The following ABCA13 variants were observed in gnomAD, a reference collection of about 807,000 sequenced individuals.
ABCA13 encodes the protein ATP binding cassette subfamily A member 13.
ABCA13 carries 476 observed loss-of-function variants against 478.7 expected under a neutral mutation model. The observed-to-expected ratio is 0.99, with a 90% CI of 0.92 to 1.07. The LOEUF is 1.07. ABCA13 is among the 50% of genes least tolerant of loss of function. ABCA13 has a pLI of 0.00. For synonymous variants in ABCA13, 2,252 were observed against 2,158.9 expected (o/e 1.04, Z -1.20); for missense variants, 6,060 against 5,910.6 (o/e 1.03, Z -0.83).
intron 52 of ABCA13, among the ~76,000 whole-genome samples, chr7:48,517,455 TCTC>T (rs1358791416): frequency 1.3e-5 from 2 of 152,150 alleles, no homozygotes. Context: ...AGGAAGAACT[TCTC>T]CTTGTGAGGT....
chr7:48,422,066 A>C (rs1820828752), intron 41 of ABCA13, among the ~76,000 whole-genome samples: 2 of 65,908 alleles, frequency 3.0e-5, no homozygotes, highest in Admixed American at 1.8e-4. Flanking sequence ...AAAAAAAAAA[A>C]AAAAAAAAAA....
intron 40 of ABCA13, among the ~76,000 whole-genome samples, chr7:48,411,194 C>T (rs1023786853): frequency 8.6e-6 from 1 of 115,900 alleles, no homozygotes; most frequent in Non-Finnish European, 1.8e-5. Context: ...TCTTTCTTTC[C>T]TTTTCTTTTC....
chr7:48,316,060 A>G (rs1255672166), intron 26 of ABCA13, among the ~76,000 whole-genome samples: 1 of 152,220 alleles, frequency 6.6e-6, no homozygotes, highest in South Asian at 2.1e-4. Context: ...TTAAAACCTT[A>G]TAAGATTTAG....
intron 15 of ABCA13, among the ~76,000 whole-genome samples, chr7:48,257,127 A>G (rs1030957829): frequency 4.6e-5 from 7 of 151,974 alleles, no homozygotes; most frequent in Admixed American, 3.3e-4. Context: ...GTTGGTTTGT[A>G]CATTGATTTT....
chr7:48,274,214 G>C lies in ABCA13; in HGVS notation c.4548G>C (p.Gln1516His). ...NLTTDFDFAS[Q>H]SNWRYFTELI... is the part of the protein sequence containing the mutation. The stretch of plus-strand genomic sequence containing the variant: ...CAACAGACTTTGATTTTGCATCTCA[G>C]TCCAATTGGAGATATTTTACTGAAT... The change falls in exon 17 of 62, where the codon CAG becomes CAC. Residue 1516 changes from glutamine (Q) to histidine (H), a missense_variant. Physicochemically the swap from Gln to His is conservative, Grantham distance 24. Coordinates refer to ENST00000435803, the MANE Select transcript of ABCA13 (RefSeq NM_152701.5). 1 of 1,612,914 alleles carries C rather than the reference G, an allele frequency of 6.2e-7. No individual in the cohort carries two copies. Among genetic ancestry groups the C allele is most frequent in the Non-Finnish European group, 8.5e-7 (1 of 1,179,362 alleles).
chr7:48,260,535 TG>T (rs1268273786), intron 15 of ABCA13, among the ~76,000 whole-genome samples: 1 of 152,058 alleles, frequency 6.6e-6, no homozygotes, highest in Non-Finnish European at 1.5e-5. Flanking sequence ...CTTAATTTTG[TG>T]GGGAATCAGG....
Position 48,512,853 on chromosome 7 carries a change from T to G in ABCA13, c.13640+1654T>G, listed in dbSNP as rs139058956. 1.1e-3 allele frequency among the ~76,000 whole-genome samples: 173 copies of G among 152,308 alleles called. 1 individual carries two copies. The highest frequency in any genetic ancestry group is 4.0e-3 in the African/African-American group (168 of 41,580). On this transcript the variant is annotated intron_variant, in intron 51 of 61. Transcript: ENST00000435803. The stretch of plus-strand genomic sequence containing the variant: ...GGCAATAGGGGTTACACGCTTCTGG[T>G]TAAGAACTCTTAGGTTGCAGAGACT...
chr7:48,581,042 T>G (rs1788656595), intron 56 of ABCA13, among the ~76,000 whole-genome samples: 2 of 152,194 alleles, frequency 1.3e-5, no homozygotes, highest in African/African-American at 2.4e-5. Context: ...CAGCTCAGGA[T>G]GTTGTACCGT....
chr7:48,351,762 C>T (rs1809036899), intron 30 of ABCA13, among the ~76,000 whole-genome samples: 1 of 152,120 alleles, frequency 6.6e-6, no homozygotes, highest in South Asian at 2.1e-4. Context: ...TTTATGCATA[C>T]AATTCAAAGA....
At chr7:48,575,811 CAACTCT>C in intron 55 of ABCA13, among the ~76,000 whole-genome samples, 1 of 152,192 alleles carries the variant, frequency 6.6e-6, no homozygotes, top group South Asian at 2.1e-4. Flanking sequence ...TAAAAATTAT[CAACTCT>C]TCTTAGATCC....
chr7:48,227,720 T>C (rs1788440900), intron 6 of ABCA13, among the ~76,000 whole-genome samples: 1 of 152,256 alleles, frequency 6.6e-6, no homozygotes, highest in South Asian at 2.1e-4. Context: ...TTTTAATGGC[T>C]GCAGCATATA....
chr7:48,227,451 A>T (rs1277100435), intron 6 of ABCA13, 26 bp downstream of exon 6: 7 of 1,610,106 alleles, frequency 4.3e-6, no homozygotes, highest in Non-Finnish European at 5.9e-6. Flanking sequence ...AAACATAACT[A>T]AGTATCAATA....
Position 48,224,867 on chromosome 7 carries a change from C to G in ABCA13, c.469-2395C>G, listed in dbSNP as rs140377560. 5.3e-5 allele frequency among the ~76,000 whole-genome samples: 8 copies of G among 152,110 alleles called. No individual in the cohort carries two copies. In the East Asian group the frequency reaches 1.5e-3, roughly 29 times the overall value. On this transcript the variant is annotated intron_variant, in intron 5 of 61. Transcript: ENST00000435803. ...TTAATCGCTGCAGCATTCTTTCCAC[C>G]TCCTCAGCTCCTTCTTCCTGGGACC...
intron 29 of ABCA13, among the ~76,000 whole-genome samples, chr7:48,349,668 GC>G (rs1382613475): frequency 6.6e-6 from 1 of 152,208 alleles, no homozygotes; most frequent in Non-Finnish European, 1.5e-5. Flanking sequence ...GAGGAGGGAA[GC>G]AAGCATGAGA....
Position 48,511,119 on chromosome 7 carries a change from C to G in ABCA13, c.13560C>G (p.Ala4520=), listed in dbSNP as rs749623721. 13 of 1,613,398 alleles carry G rather than the reference C, an allele frequency of 8.1e-6. No individual in the cohort carries two copies. In the Admixed American group the frequency reaches 2.2e-4, roughly 27 times the overall value. The change falls in exon 51 of 62, where the codon GCC becomes GCG. Residue 4520 remains alanine, a synonymous_variant. Coordinates refer to ENST00000435803, the MANE Select transcript of ABCA13 (RefSeq NM_152701.5). ...TGGTTTCCGTCTGCCTGTGTGTTGC[C>G]GTTATTGTCGCCTTCCAGTTAACAG... is the stretch of plus-strand genomic sequence containing the variant. ...FYLVSVCLCV[A]VIVAFQLTAF...
rs150327210 is a variant in ABCA13, at chr7:48,321,831, G to A, written c.9999+4535G>A. Among the ~76,000 whole-genome samples the A allele has an allele frequency of 2.5e-3, 376 of 152,280 alleles. 6 individuals carry two copies. In the East Asian group the frequency reaches 0.042, roughly 17 times the overall value. On this transcript the variant is annotated intron_variant, in intron 27 of 61. Coordinates refer to ENST00000435803, the MANE Select transcript of ABCA13 (RefSeq NM_152701.5). ...GACCCCAAGGTTCCAGGTAAGATGT[G>A]GGCTGGGCAGGCCAGGCCCTGGCAG...
intron 7 of ABCA13, among the ~76,000 whole-genome samples, chr7:48,232,979 G>T (rs1447605601): frequency 6.6e-6 from 1 of 152,138 alleles, no homozygotes; most frequent in Non-Finnish European, 1.5e-5. Context: ...TCTTAGTCTA[G>T]GTCCTAGTAC....
chr7:48,274,545 G>A lies in ABCA13; in HGVS notation c.4879G>A (p.Ala1627Thr). The A allele has an allele frequency of 6.2e-7, 1 of 1,613,820 alleles. No homozygotes were observed. The highest frequency in any genetic ancestry group is 8.5e-7 in the Non-Finnish European group (1 of 1,179,832). The stretch of plus-strand genomic sequence containing the variant: ...AATAATTTCACCTGAAATAATGAAA[G>A]CTACAGGTCTTGGTATTCAACTGAT... ...KIIISPEIMK[A>T]TGLGIQLIRD... is the part of the protein sequence containing the mutation. The change falls in exon 17 of 62, where the codon GCT becomes ACT. Residue 1627 changes from alanine to threonine, a missense_variant. Transcript: ENST00000435803.
intron 57 of ABCA13, among the ~76,000 whole-genome samples, chr7:48,588,083 C>T (rs1789368692): frequency 6.6e-6 from 1 of 152,120 alleles, no homozygotes; most frequent in African/African-American, 2.4e-5. Flanking sequence ...CAAATGAATA[C>T]ACCCTTTTAG....
Sources: gnomAD v4.1 joint callset for allele counts (sites outside exome capture counted in the v4.1 genomes callset) on GRCh38, gnomAD v4.1.1 for gene constraint, MANE v1.5 for transcripts, NCBI Gene and HGNC (gene_info 2026-07-23, HGNC 2026-07-21) for gene names.